The following CREB3L1 variants were observed in gnomAD, a reference collection of about 807,000 sequenced individuals.
CREB3L1 encodes cAMP responsive element binding protein 3 like 1.
A neutral mutation model predicts 54.5 loss-of-function variants in CREB3L1; 33 were observed. The ratio of observed to expected loss-of-function variants is 0.61; its 90% CI spans 0.46 to 0.81. The LOEUF is 0.81. CREB3L1 is among the 30% of genes least tolerant of loss of function. The probability of loss-of-function intolerance (pLI) is 0.00; values close to 1 mark genes in which losing one functional copy is unlikely to be tolerated. For synonymous variants in CREB3L1, 284 were observed against 286.4 expected, an observed-to-expected ratio of 0.99 and a Z score of 0.08; for missense variants, 656 against 673.3, an observed-to-expected ratio of 0.97 and a Z score of 0.29.
rs1164210010 is a variant in CREB3L1 at position 46,317,507 on chromosome 11, G to A, written c.1258+20G>A. 6.2e-7 allele frequency: 1 copy of A among 1,605,324 alleles called. No homozygotes were observed. The highest frequency in any genetic ancestry group is 1.7e-5 in the Admixed American group (1 of 60,012). ...GCCAGAGTGAGTGCCCGCCTGTCAT[G>A]CCAGCTCCCTGGGCTGAGGCTGCCC... On this transcript the variant is annotated intron_variant, in intron 10 of 11. Transcript: ENST00000621158.
At chr11:46,310,167 C>A (rs1022420596) in intron 4 of CREB3L1, 100 bp downstream of exon 4, 5 of 844,694 alleles carry the variant, frequency 5.9e-6, no homozygotes, top group Non-Finnish European at 7.8e-6. Context: ...TGACAACCTT[C>A]CCCCACCCAG....
rs1566195281 is a variant in CREB3L1 at position 46,320,707 on chromosome 11, C to G, written c.1524-3C>G. On this transcript the variant is annotated splice_polypyrimidine_tract_variant and splice_region_variant and intron_variant, in intron 11 of 11. Transcript: ENST00000621158. ...TCATCGCTGGCCTCTCTTCTCTCTC[C>G]AGGGATCTGGGCCCCAACACCACCA... is the stretch of plus-strand genomic sequence containing the variant. The G allele has an allele frequency of 6.2e-7, 1 of 1,611,454 alleles. No homozygotes were observed. The highest frequency in any genetic ancestry group is 1.1e-5 in the South Asian group (1 of 90,364).
intron 1 of CREB3L1, among the ~76,000 whole-genome samples, chr11:46,291,979 C>A (rs933952928): frequency 6.6e-6 from 1 of 152,182 alleles, no homozygotes; most frequent in Admixed American, 6.5e-5. Context: ...CAGAGTGAGG[C>A]GGTAGGCTCC....
At chr11:46,316,968 G>A (rs111651038) in intron 9 of CREB3L1, among the ~76,000 whole-genome samples, 11,361 of 152,104 alleles carry the variant, frequency 0.075, 467 homozygotes, top group East Asian at 0.091. Context: ...AGCACCTCCC[G>A]CTAGCCAGGC....
intron 1 of CREB3L1, among the ~76,000 whole-genome samples, chr11:46,290,213 G>A (rs1260826814): frequency 6.6e-6 from 1 of 152,114 alleles, no homozygotes; most frequent in African/African-American, 2.4e-5. Context: ...TTTGGGGCTG[G>A]GAGCTCCAGC....
chr11:46,300,693 A>T (rs1353104656), intron 2 of CREB3L1, among the ~76,000 whole-genome samples: 1 of 150,814 alleles, frequency 6.6e-6, no homozygotes, highest in Non-Finnish European at 1.5e-5. Flanking sequence ...ACATATGGTG[A>T]AACCCCGTCT....
rs571214665 is a variant in CREB3L1 at position 46,317,390 on chromosome 11, G to A, written c.1161G>A (p.Leu387=). ...MVAALCFVLV[L]GSLVPCLPEF... ...CAGCCTTGTGCTTTGTTCTGGTGCTGGGCTCCCTCGTGCCCTGCCTTCCCG... is the reference window on the plus strand; with the variant it reads ...CAGCCTTGTGCTTTGTTCTGGTGCTAGGCTCCCTCGTGCCCTGCCTTCCCG... Residue 387 remains leucine (L), a synonymous_variant, in exon 10 of 12, where the codon CTG becomes CTA. Transcript: ENST00000621158. 26 of 1,613,852 alleles carry A rather than the reference G, an allele frequency of 1.6e-5. No individual in the cohort carries two copies. The African/African-American group carries it at 2.4e-4, about 15-fold the overall frequency.
chr11:46,291,525 T>C (rs769306051), intron 1 of CREB3L1, among the ~76,000 whole-genome samples: 11 of 152,184 alleles, frequency 7.2e-5, no homozygotes, highest in Admixed American at 2.0e-4. Context: ...CTTATAACCA[T>C]TGAACTGCTT....
chr11:46,287,539 G>A (rs908210777), intron 1 of CREB3L1, among the ~76,000 whole-genome samples: 2 of 151,924 alleles, frequency 1.3e-5, no homozygotes, highest in African/African-American at 4.8e-5. Flanking sequence ...GAGCTCAAGC[G>A]ATCCTCCCTC....
In CREB3L1 at chr11:46,312,596, G is replaced by A. The variant is rs1221177184; in HGVS notation, c.904-16G>A. On this transcript the variant is annotated splice_polypyrimidine_tract_variant and intron_variant, in intron 6 of 11. Transcript: ENST00000621158. ...TGTGGCAGTGCTAACCCTTGTTTTC[G>A]GGCCTCCCCCTCTAGATCTCAGCCC... The A allele has an allele frequency of 8.1e-6, 13 of 1,610,006 alleles. No individual in the cohort carries two copies. The highest frequency in any genetic ancestry group is 1.3e-5 in the African/African-American group (1 of 74,824).
In CREB3L1 at chr11:46,285,195, G is replaced by T. The variant is rs142942037; in HGVS notation, c.102+6982G>T. ...TGCCTCGTGCGAGTCCTGGTACCGA[G>T]GCCCTCCTGGAGCATCTCTCTCTGG... On this transcript the variant is annotated intron_variant, in intron 1 of 11. Transcript: ENST00000621158. 4.3e-3 allele frequency among the ~76,000 whole-genome samples: 651 copies of T among 152,284 alleles called. 4 individuals are homozygous for T. The highest frequency in any genetic ancestry group is 0.015 in the African/African-American group (614 of 41,544).
intron 2 of CREB3L1, 24 bp from the exon 3 acceptor site, chr11:46,307,792 C>G: frequency 6.5e-7 from 1 of 1,529,570 alleles, no homozygotes; most frequent in Non-Finnish European, 8.8e-7. Flanking sequence ...CCTAGAGTCC[C>G]CTGAGCCTTT....
chr11:46,320,752 G>A lies in CREB3L1; in HGVS notation c.*6G>A, dbSNP rs1340607666. On this transcript the variant is annotated 3_prime_UTR_variant, in exon 12 of 12. Transcript: ENST00000621158. ...CCACCATCAAACTCTCCTAGGCCAT[G>A]CCAAGACCCAGGACATAGGACGGAC... 3.7e-6 allele frequency: 6 copies of A among 1,611,850 alleles called. No homozygotes were observed. Among genetic ancestry groups the A allele is most frequent in the Non-Finnish European group, 5.1e-6 (6 of 1,179,180 alleles).
At chr11:46,312,998 CAG>C (rs1266760027) in intron 8 of CREB3L1, 79 bp downstream of exon 8, 2 of 1,095,392 alleles carry the variant, frequency 1.8e-6, no homozygotes, top group South Asian at 1.5e-5. Flanking sequence ...CTCTGGGAGA[CAG>C]GGGAGAGGAG....
chr11:46,288,901 G>A (rs182019979), intron 1 of CREB3L1, among the ~76,000 whole-genome samples: 17 of 152,274 alleles, frequency 1.1e-4, no homozygotes, highest in Admixed American at 7.2e-4. Flanking sequence ...GAGCCTCAGC[G>A]TCTCATCCAT....
At chr11:46,309,918 G>A in intron 3 of CREB3L1, 71 bp from the exon 4 acceptor site, 1 of 1,249,042 alleles carries the variant, frequency 8.0e-7, no homozygotes, top group Non-Finnish European at 1.1e-6. Context: ...CTTTAGGGAG[G>A]AGGTGGGTAG....
At chr11:46,308,672 A>G (rs1427119570) in intron 3 of CREB3L1, among the ~76,000 whole-genome samples, 1 of 152,222 alleles carries the variant, frequency 6.6e-6, no homozygotes, top group Non-Finnish European at 1.5e-5. Flanking sequence ...CTGGGATTCC[A>G]CAGGATGAGC....
intron 8 of CREB3L1, among the ~76,000 whole-genome samples, chr11:46,314,183 A>G (rs1420131803): frequency 1.3e-5 from 2 of 150,868 alleles, no homozygotes; most frequent in Admixed American, 6.6e-5. Context: ...GGTTACAGTG[A>G]GCTGAGATGG....
intron 1 of CREB3L1, among the ~76,000 whole-genome samples, chr11:46,283,332 T>C (rs917973405): frequency 1.3e-5 from 2 of 152,246 alleles, no homozygotes; most frequent in African/African-American, 4.8e-5. Context: ...GTAAAAATTG[T>C]GACACCTTAC....
Sources: allele counts gnomAD v4.1 joint callset (sites outside exome capture counted in the v4.1 genomes callset), GRCh38; gene constraint gnomAD v4.1.1; transcripts MANE v1.5; gene names NCBI Gene and HGNC (gene_info 2026-07-23, HGNC 2026-07-21).